CUEDC1: variants seen among roughly 807,000 people sequenced by gnomAD.
The protein encoded by CUEDC1 is CUE domain containing 1, also known as CUE domain-containing protein 1.
CUEDC1 carries 30 observed loss-of-function variants against 43.7 expected under a neutral mutation model. The ratio of observed to expected loss-of-function variants is 0.69; its 90% CI spans 0.51 to 0.93. The LOEUF (loss-of-function observed/expected upper bound fraction) is 0.93, where lower values mean the gene tolerates loss of function less well. CUEDC1 is among the 40% of genes least tolerant of loss of function. The probability of loss-of-function intolerance (pLI) is 0.00; values close to 1 mark genes in which losing one functional copy is unlikely to be tolerated. For missense variants in CUEDC1, 486 were observed against 549.0 expected, an observed-to-expected ratio of 0.89 and a Z score of 1.15; for synonymous variants, 223 against 223.6, an observed-to-expected ratio of 1.00 and a Z score of 0.02.
intron 6 of CUEDC1, among the ~76,000 whole-genome samples, chr17:57,870,270 A>G (rs2074016151): frequency 6.6e-6 from 1 of 152,236 alleles, no homozygotes; most frequent in African/African-American, 2.4e-5. Context: ...TCAACCCAGT[A>G]GTCTGCGCAT....
intron 1 of CUEDC1, among the ~76,000 whole-genome samples, chr17:57,911,384 AG>A (rs2074581358): frequency 6.6e-6 from 1 of 152,192 alleles, no homozygotes; most frequent in Non-Finnish European, 1.5e-5. Flanking sequence ...GTTCCTCTTA[AG>A]GGTGGTTTGG....
intron 3 of CUEDC1, among the ~76,000 whole-genome samples, chr17:57,876,355 C>A (rs73329841): frequency 0.17 from 25,770 of 151,998 alleles, 2,879 homozygotes; most frequent in African/African-American, 0.31. Flanking sequence ...TTTGCCTGAG[C>A]GCCTCCCTGT....
At chr17:57,874,098 G>A (rs976677891) in intron 3 of CUEDC1, among the ~76,000 whole-genome samples, 2 of 152,220 alleles carry the variant, frequency 1.3e-5, no homozygotes, top group Non-Finnish European at 1.5e-5. Context: ...CAGGCTCATG[G>A]TGCTGAGTGA....
chr17:57,873,068 T>C (rs1597972076), intron 4 of CUEDC1, among the ~76,000 whole-genome samples: 1 of 152,118 alleles, frequency 6.6e-6, no homozygotes, highest in Non-Finnish European at 1.5e-5. Flanking sequence ...CTAAAAACTA[T>C]TTTTCCCCCA....
At chr17:57,953,222 C>T (rs34927998) in intron 1 of CUEDC1, among the ~76,000 whole-genome samples, 6,438 of 152,314 alleles carry the variant, frequency 0.042, 167 homozygotes, top group Non-Finnish European at 0.058. Context: ...GAATATCCAC[C>T]TCCACCCAAA....
At chr17:57,868,344 G>A (rs1035753694) in intron 7 of CUEDC1, 101 bp from the exon 8 acceptor site, 42 of 1,036,612 alleles carry the variant, frequency 4.1e-5, no homozygotes, top group East Asian at 1.9e-4. Context: ...AAGGCCCCCC[G>A]GAGAGGGAGC....
At chr17:57,884,957 A>AG (rs1181767488) in intron 2 of CUEDC1, among the ~76,000 whole-genome samples, 5 of 152,220 alleles carry the variant, frequency 3.3e-5, no homozygotes, top group African/African-American at 4.8e-5. Context: ...CTCCTGACTC[A>AG]GGGTCTAGTG....
intron 1 of CUEDC1, among the ~76,000 whole-genome samples, chr17:57,899,426 G>A (rs535971975): frequency 7.9e-5 from 12 of 152,310 alleles, no homozygotes; most frequent in East Asian, 1.9e-4. Flanking sequence ...GAGCTGCCAC[G>A]GTTAGGGAGG....
chr17:57,927,396 G>GAAA (rs577485162), intron 1 of CUEDC1, among the ~76,000 whole-genome samples: 1 of 118,600 alleles, frequency 8.4e-6, no homozygotes. Context: ...TAGGGAGAAA[G>GAAA]AAAAAAAAAA....
intron 1 of CUEDC1, among the ~76,000 whole-genome samples, chr17:57,886,205 T>C (rs2074289121): frequency 6.6e-6 from 1 of 152,218 alleles, no homozygotes; most frequent in African/African-American, 2.4e-5. Context: ...GTATAGACGC[T>C]GAGTTAGTGG....
At chr17:57,944,233 G>C in intron 1 of CUEDC1, among the ~76,000 whole-genome samples, 1 of 142,770 alleles carries the variant, frequency 7.0e-6, no homozygotes, top group African/African-American at 2.6e-5. Context: ...TTTTTGAGAC[G>C]GAGCTTCGCT....
intron 1 of CUEDC1, among the ~76,000 whole-genome samples, chr17:57,897,186 C>A (rs745623946): frequency 6.6e-6 from 1 of 152,188 alleles, no homozygotes; most frequent in Non-Finnish European, 1.5e-5. Context: ...ACTTGGCATG[C>A]ATTATCTCAT....
At chr17:57,940,355 C>T (rs975896356) in intron 1 of CUEDC1, among the ~76,000 whole-genome samples, 1 of 152,156 alleles carries the variant, frequency 6.6e-6, no homozygotes, top group African/African-American at 2.4e-5. Flanking sequence ...TCCTTTAGAT[C>T]GGCAAAGACA....
chr17:57,871,181 A>C, intron 6 of CUEDC1, 105 bp downstream of exon 6: 1 of 916,102 alleles, frequency 1.1e-6, no homozygotes, highest in Non-Finnish European at 1.8e-6. Context: ...CCCCTCCCAC[A>C]ATCTGTTTTT....
chr17:57,936,951 G>A (rs2074868125), intron 1 of CUEDC1, among the ~76,000 whole-genome samples: 1 of 151,880 alleles, frequency 6.6e-6, no homozygotes, highest in African/African-American at 2.4e-5. Context: ...CTCCCAAGTA[G>A]CTGGAACTAC....
chr17:57,935,482 G>A (rs2074852385), intron 1 of CUEDC1, among the ~76,000 whole-genome samples: 1 of 151,942 alleles, frequency 6.6e-6, no homozygotes, highest in East Asian at 1.9e-4. Flanking sequence ...TTCTCCAGAA[G>A]CAGGAGCTTT....
intron 1 of CUEDC1, among the ~76,000 whole-genome samples, chr17:57,896,488 GTGTGTGTGTGTGTGTGTGTGT>G (rs2074411032): frequency 2.8e-5 from 1 of 36,026 alleles, no homozygotes; most frequent in African/African-American, 4.9e-5. Context: ...GCATTATGGG[GTGTGTGTGTGTGTGTGTGTGT>G]GTGTGTGTGT....
intron 1 of CUEDC1, among the ~76,000 whole-genome samples, chr17:57,907,658 C>T (rs2074542651): frequency 6.6e-6 from 1 of 151,904 alleles, no homozygotes; most frequent in Non-Finnish European, 1.5e-5. Context: ...CCAGCTTGGC[C>T]AACATGGTGA....
At chr17:57,927,026 G>C (rs1372611590) in intron 1 of CUEDC1, among the ~76,000 whole-genome samples, 1 of 152,202 alleles carries the variant, frequency 6.6e-6, no homozygotes, top group Non-Finnish European at 1.5e-5. Flanking sequence ...CGCAGCTGGG[G>C]GAAACAGGCC....
Sources: allele counts gnomAD v4.1 joint callset (sites outside exome capture counted in the v4.1 genomes callset), GRCh38; gene constraint gnomAD v4.1.1; transcripts MANE v1.5; gene names NCBI Gene and HGNC (gene_info 2026-07-23, HGNC 2026-07-21).